Variants in CR1L observed in about 807,000 individuals in gnomAD.
CR1L encodes the protein complement component receptor 1-like protein.
CR1L carries 59 observed loss-of-function variants against 62.3 expected under a neutral mutation model. That is an observed-to-expected ratio of 0.95 (90% CI 0.77 to 1.18). CR1L has a LOEUF of 1.18. Ranked by LOEUF, CR1L falls within the 50% of genes most tolerant of loss-of-function variation. The probability of loss-of-function intolerance (pLI) is 0.00; values close to 1 mark genes in which losing one functional copy is unlikely to be tolerated. For synonymous variants in CR1L, 279 were observed against 248.7 expected, an observed-to-expected ratio of 1.12 and a Z score of -1.15; for missense variants, 700 against 702.8, an observed-to-expected ratio of 1.00 and a Z score of 0.04.
At chr1:207,721,556 G>T (rs1457104674) in intron 11 of CR1L, among the ~76,000 whole-genome samples, 4 of 149,328 alleles carry the variant, frequency 2.7e-5, no homozygotes, top group Non-Finnish European at 5.9e-5. Flanking sequence ...ATTCCATGGT[G>T]TATATGTGCC....
intron 10 of CR1L, among the ~76,000 whole-genome samples, chr1:207,715,044 T>G (rs548052989): frequency 1.3e-5 from 2 of 152,198 alleles, no homozygotes; most frequent in Non-Finnish European, 2.9e-5. Context: ...TGCTGGGCTA[T>G]GAAGTTTATA....
chr1:207,702,757 A>G (rs1664212769), intron 9 of CR1L, among the ~76,000 whole-genome samples: 1 of 152,202 alleles, frequency 6.6e-6, no homozygotes, highest in Non-Finnish European at 1.5e-5. Flanking sequence ...CAATTCTGTG[A>G]AGGCTGACAG....
At chr1:207,651,027 C>T (rs960120533) in intron 1 of CR1L, among the ~76,000 whole-genome samples, 9 of 152,106 alleles carry the variant, frequency 5.9e-5, no homozygotes, top group Non-Finnish European at 8.8e-5. Flanking sequence ...CCTCGTGATC[C>T]GCCCGCCTCG....
chr1:207,706,345 C>G (rs932516336), intron 9 of CR1L, among the ~76,000 whole-genome samples: 1 of 151,434 alleles, frequency 6.6e-6, no homozygotes, highest in African/African-American at 2.4e-5. Flanking sequence ...CACCTCAGCC[C>G]GAGAGGCTGA....
intron 1 of CR1L, among the ~76,000 whole-genome samples, chr1:207,676,748 G>A (rs1052808976): frequency 6.6e-6 from 1 of 152,070 alleles, no homozygotes; most frequent in Non-Finnish European, 1.5e-5. Flanking sequence ...TCTGCCTCCT[G>A]GGTTCAAATG....
rs193068369 is a variant in CR1L, at chr1:207,712,243, A to C, written c.1414+3980A>C. Among the ~76,000 whole-genome samples, 534 of 152,370 alleles carry C rather than the reference A, an allele frequency of 3.5e-3. 3 individuals carry two copies. The highest frequency in any genetic ancestry group is 4.8e-3 in the Non-Finnish European group (327 of 68,018). On this transcript the variant is annotated intron_variant, in intron 10 of 11. Coordinates refer to ENST00000508064, the MANE Select transcript of CR1L (RefSeq NM_175710.2). ...AAATCTGTAAAACAGACTTGGTCTC[A>C]GGTGACAGTCTCATTACCTGAATAA...
intron 9 of CR1L, among the ~76,000 whole-genome samples, chr1:207,705,589 A>G (rs1664254230): frequency 6.6e-6 from 1 of 152,230 alleles, no homozygotes; most frequent in Admixed American, 6.5e-5. Flanking sequence ...TTCAGAGACC[A>G]TAGCACCTAG....
intron 3 of CR1L, among the ~76,000 whole-genome samples, chr1:207,683,011 T>C: frequency 1.7e-5 from 1 of 57,964 alleles, no homozygotes; most frequent in Admixed American, 1.4e-4. Context: ...TTTCTTTCTT[T>C]TTCTTTCTTT....
chr1:207,721,059 G>T (rs1053372569), intron 11 of CR1L, among the ~76,000 whole-genome samples: 4 of 152,134 alleles, frequency 2.6e-5, no homozygotes, highest in Non-Finnish European at 5.9e-5. Context: ...GAAAGTTTCT[G>T]CAGGGAAATG....
intron 1 of CR1L, among the ~76,000 whole-genome samples, chr1:207,651,080 C>T (rs755043602): frequency 4.6e-5 from 7 of 152,120 alleles, no homozygotes; most frequent in African/African-American, 7.2e-5. Context: ...CCACTGCACC[C>T]GGCCCAGTGT....
intron 1 of CR1L, chr1:207,659,178 A>T (rs1470061463): frequency 6.6e-6 from 1 of 152,368 alleles, no homozygotes; most frequent in African/African-American, 2.4e-5. Context: ...GACATGGAGG[A>T]TGGGATCCCG....
intron 3 of CR1L, among the ~76,000 whole-genome samples, chr1:207,683,027 C>CTTTCTTTCT (rs1663829174): frequency 1.2e-5 from 1 of 83,654 alleles, no homozygotes; most frequent in African/African-American, 5.0e-5. Flanking sequence ...TCTTTCTTTC[C>CTTTCTTTCT]TTCCTTCCTT....
intron 11 of CR1L, among the ~76,000 whole-genome samples, chr1:207,719,040 T>C (rs1654072420): frequency 7.3e-6 from 1 of 137,440 alleles, no homozygotes; most frequent in Non-Finnish European, 1.5e-5. Flanking sequence ...TTCTCACTCA[T>C]AGGTGGGAAT....
intron 5 of CR1L, among the ~76,000 whole-genome samples, chr1:207,695,562 G>T (rs1272946725): frequency 6.6e-6 from 1 of 152,160 alleles, no homozygotes; most frequent in African/African-American, 2.4e-5. Flanking sequence ...CATCCAGTCA[G>T]GAAATCAAAA....
chr1:207,659,290 C>A, intron 1 of CR1L: 1 of 152,474 alleles, frequency 6.6e-6, no homozygotes, highest in East Asian at 1.9e-4. Context: ...CCTTCCTTCC[C>A]CTCTGCAGAG....
chr1:207,697,355 GTATT>G, intron 5 of CR1L, 144 bp from the exon 6 acceptor site: 1 of 1,522,186 alleles, frequency 6.6e-7, no homozygotes, highest in Non-Finnish European at 8.9e-7. Context: ...CTCGCCCTGT[GTATT>G]TAGTTTGTTA....
At chr1:207,683,090 TTCTC>T in intron 3 of CR1L, among the ~76,000 whole-genome samples, 1 of 148,816 alleles carries the variant, frequency 6.7e-6, no homozygotes, top group East Asian at 2.0e-4. Flanking sequence ...CTTTCTCTCT[TTCTC>T]TTTCTCTCTC....
At chr1:207,653,687 G>A (rs921041394) in intron 1 of CR1L, among the ~76,000 whole-genome samples, 3 of 152,136 alleles carry the variant, frequency 2.0e-5, no homozygotes, top group Non-Finnish European at 4.4e-5. Context: ...CTGAGCACTC[G>A]GTAATAGCCT....
rs906524027 is a variant in CR1L at position 207,650,592 on chromosome 1, AG to A, written c.97+5264del. ...AGTTTATGTTTTGTGGAAGCAAAAAAGGTTTTAAATAGATTGGATAGTGGGA... is the reference window on the plus strand; with the variant it reads ...AGTTTATGTTTTGTGGAAGCAAAAAAGTTTTAAATAGATTGGATAGTGGGA... On this transcript the variant is annotated intron_variant, in intron 1 of 11. Coordinates refer to ENST00000508064, the MANE Select transcript of CR1L (RefSeq NM_175710.2). 1.1e-4 allele frequency among the ~76,000 whole-genome samples: 17 copies of A among 152,312 alleles called. 1 individual carries two copies. In the South Asian group the frequency reaches 2.1e-3, roughly 19 times the overall value.
Sources: allele counts gnomAD v4.1 joint callset (sites outside exome capture counted in the v4.1 genomes callset), GRCh38; gene constraint gnomAD v4.1.1; transcripts MANE v1.5; gene names NCBI Gene and HGNC (gene_info 2026-07-23, HGNC 2026-07-21).